STRBP: variants seen among roughly 807,000 people sequenced by gnomAD.
The protein encoded by STRBP is spermatid perinuclear RNA-binding protein.
A neutral mutation model predicts 80.1 loss-of-function variants in STRBP; 13 were observed. That is an observed-to-expected ratio of 0.16 (90% confidence interval 0.11 to 0.26). STRBP has a LOEUF of 0.26. Among genes scored for constraint, STRBP ranks in the 10% least tolerant of loss-of-function variants. The pLI is 1.00. For synonymous variants in STRBP, 284 were observed against 291.2 expected, an observed-to-expected ratio of 0.98 and a Z score of 0.25; for missense variants, 485 against 815.2, an observed-to-expected ratio of 0.59 and a Z score of 4.93.
intron 1 of STRBP, among the ~76,000 whole-genome samples, chr9:123,246,746 T>G: frequency 6.6e-6 from 1 of 152,210 alleles, no homozygotes; most frequent in East Asian, 1.9e-4. Flanking sequence ...AAAGGAAAAT[T>G]GTAGCTTATA....
intron 1 of STRBP, among the ~76,000 whole-genome samples, chr9:123,254,079 T>C (rs1201284484): frequency 1.3e-5 from 2 of 152,132 alleles, no homozygotes; most frequent in Non-Finnish European, 2.9e-5. Context: ...ATTATTCCAA[T>C]TGAACATTAT....
intron 1 of STRBP, among the ~76,000 whole-genome samples, chr9:123,254,456 CAAAAAAAAAAAAAAAA>C (rs1205708821): frequency 1.5e-5 from 1 of 65,738 alleles, no homozygotes; most frequent in African/African-American, 3.3e-5. Context: ...GACTCCGTCT[CAAAAAAAAAAAAAAAA>C]AAAAAAAGAA....
chr9:123,160,477 A>G lies in STRBP; in HGVS notation c.628-15T>C, dbSNP rs775197000. 77 of 1,574,240 alleles carry G rather than the reference A, an allele frequency of 4.9e-5. No individual in the cohort carries two copies. Among genetic ancestry groups the G allele is most frequent in the Middle Eastern group, 1.7e-4 (1 of 5,958 alleles). On this transcript the variant is annotated splice_polypyrimidine_tract_variant and intron_variant, in intron 7 of 18. Transcript: ENST00000348403. Reference sequence around the variant, plus strand: ...TTTGCCCTTGCCTAAAACAAACAAAATGATTCCAGATATCCCTATTGAGAT... The same window carrying G: ...TTTGCCCTTGCCTAAAACAAACAAAGTGATTCCAGATATCCCTATTGAGAT...
intron 2 of STRBP, among the ~76,000 whole-genome samples, chr9:123,220,965 A>G (rs1423338142): frequency 6.6e-6 from 1 of 152,160 alleles, no homozygotes; most frequent in Non-Finnish European, 1.5e-5. Context: ...TGGTGGAAAA[A>G]GCAAAATGAC....
At chr9:123,134,035 C>T (rs1328301887) in intron 16 of STRBP, among the ~76,000 whole-genome samples, 15 of 151,662 alleles carry the variant, frequency 9.9e-5, no homozygotes, top group Non-Finnish European at 2.9e-5. Flanking sequence ...GAAAGAACAA[C>T]GAGAGAACAG....
downstream of STRBP, among the ~76,000 whole-genome samples, chr9:123,118,042 A>G (rs1310894501): frequency 1.3e-5 from 2 of 152,222 alleles, no homozygotes; most frequent in Admixed American, 6.5e-5. Context: ...CCTAGCTACC[A>G]GCAGAGCCCA....
chr9:123,263,349 A>G (rs1343187637), intron 1 of STRBP, among the ~76,000 whole-genome samples: 1 of 151,952 alleles, frequency 6.6e-6, no homozygotes, highest in Admixed American at 6.6e-5. Flanking sequence ...AGACCTTGAG[A>G]CCTGGTCTCT....
intron 14 of STRBP, 66 bp downstream of exon 14, chr9:123,139,463 A>C (rs1208812957): frequency 3.1e-6 from 4 of 1,279,688 alleles, no homozygotes; most frequent in Non-Finnish European, 4.2e-6. Context: ...ATACTTTTCC[A>C]CATCTCTCAA....
chr9:123,247,697 C>G (rs1238865166), intron 1 of STRBP, among the ~76,000 whole-genome samples: 2 of 152,210 alleles, frequency 1.3e-5, no homozygotes, highest in African/African-American at 4.8e-5. Context: ...TCTAAAGATG[C>G]AATGTGTGTA....
intron 1 of STRBP, among the ~76,000 whole-genome samples, chr9:123,265,627 C>G (rs2041250390): frequency 6.6e-6 from 1 of 152,190 alleles, no homozygotes; most frequent in Non-Finnish European, 1.5e-5. Flanking sequence ...GAATCTAACA[C>G]AAGCCACAGA....
intron 13 of STRBP, among the ~76,000 whole-genome samples, chr9:123,145,659 G>A (rs931572875): frequency 2.6e-5 from 4 of 152,112 alleles, no homozygotes; most frequent in Admixed American, 1.3e-4. Flanking sequence ...CAAGCTTTTC[G>A]TGTCAGCTGC....
chr9:123,250,821 T>C (rs892467773), intron 1 of STRBP, among the ~76,000 whole-genome samples: 2 of 152,146 alleles, frequency 1.3e-5, no homozygotes, highest in African/African-American at 4.8e-5. Flanking sequence ...TATGATCTGT[T>C]TTAAAGGAAA....
At chr9:123,119,628 A>T (rs1268417842), downstream of STRBP, among the ~76,000 whole-genome samples, 6 of 151,928 alleles carry the variant, frequency 3.9e-5, no homozygotes, top group Admixed American at 3.9e-4. Flanking sequence ...ACACAGCTCC[A>T]CCCTGAGCAG....
chr9:123,127,292 C>T (rs965079003), intron 18 of STRBP, among the ~76,000 whole-genome samples: 1 of 152,158 alleles, frequency 6.6e-6, no homozygotes, highest in South Asian at 2.1e-4. Context: ...ATGCACAATG[C>T]GAAGGTCTGA....
chr9:123,239,552 T>G (rs188583143), intron 1 of STRBP, among the ~76,000 whole-genome samples: 14 of 152,280 alleles, frequency 9.2e-5, no homozygotes, highest in Admixed American at 8.5e-4. Flanking sequence ...GCACAGAACG[T>G]CTTGCATTTT....
intron 13 of STRBP, among the ~76,000 whole-genome samples, chr9:123,140,371 G>A (rs1459875947): frequency 2.6e-5 from 4 of 152,176 alleles, no homozygotes; most frequent in Non-Finnish European, 5.9e-5. Context: ...AAGGCGGGTG[G>A]ATCATTTGAG....
In STRBP at chr9:123,125,187, G is replaced by A; in HGVS notation, c.*410C>T. On this transcript the variant is annotated 3_prime_UTR_variant, in exon 19 of 19. Transcript: ENST00000348403. ...ATACATATCAATCAACTAAGAATCAGTGACTGCATCAGGAACCAGGCAGTA... is the reference window on the plus strand; with the variant it reads ...ATACATATCAATCAACTAAGAATCAATGACTGCATCAGGAACCAGGCAGTA... The A allele has an allele frequency of 2.0e-6, 2 of 988,252 alleles. No individual in the cohort carries two copies. Among genetic ancestry groups the A allele is most frequent in the Non-Finnish European group, 2.4e-6 (2 of 831,686 alleles). The allele number at this position is 988,252 out of a possible 1,614,324, so 61.2% of individuals were successfully genotyped here. A position where few individuals can be genotyped will look rare whatever the true frequency, so the allele number is the denominator to read the frequency against.
chr9:123,256,416 C>A (rs867084204), intron 1 of STRBP, among the ~76,000 whole-genome samples: 3 of 152,018 alleles, frequency 2.0e-5, no homozygotes, highest in Non-Finnish European at 4.4e-5. Context: ...TTGATAGGTT[C>A]TTGGAAACTG....
chr9:123,125,522 G>T lies in STRBP; in HGVS notation c.*75C>A. On this transcript the variant is annotated 3_prime_UTR_variant, in exon 19 of 19. Transcript: ENST00000348403. ...TCAAGTATGTGTTCAAAGAAAGCAG[G>T]ATAAAAAGGCTTTTTCTCTAACATT... The T allele has an allele frequency of 7.1e-7, 1 of 1,411,790 alleles. No homozygotes were observed. 87.5% of individuals were successfully genotyped at this position (1,411,790 alleles called of 1,614,324 possible).
Sources: allele counts gnomAD v4.1 joint callset (sites outside exome capture counted in the v4.1 genomes callset), GRCh38; gene constraint gnomAD v4.1.1; transcripts MANE v1.5; gene names NCBI Gene and HGNC (gene_info 2026-07-23, HGNC 2026-07-21).